NLGN2: variants seen among roughly 807,000 people sequenced by gnomAD.
The protein encoded by NLGN2 is neuroligin 2, also known as neuroligin-2.
In NLGN2, 11 loss-of-function variants were observed where a neutral mutation model predicts 48.6. The ratio of observed to expected loss-of-function variants is 0.23; its 90% CI spans 0.14 to 0.37. The LOEUF is 0.37. Among genes scored for constraint, NLGN2 ranks in the 10% least tolerant of loss-of-function variants. The pLI is 1.00. For missense variants in NLGN2, 801 were observed against 1,225.2 expected (o/e 0.65, Z 5.17); for synonymous variants, 548 against 550.0 (o/e 1.00, Z 0.05).
rs944503009 is a variant in NLGN2 at position 7,411,262 on chromosome 17, A to G, written c.458-895A>G. Among the ~76,000 whole-genome samples, 9 of 152,094 alleles carry G rather than the reference A, an allele frequency of 5.9e-5. No homozygotes were observed. Among genetic ancestry groups the G allele is most frequent in the African/African-American group, 2.2e-4 (9 of 41,404 alleles). ...TGCTTTTTGGCAGTGGAGCAGGGGC[A>G]GGGGAGGCAGCGGCTGGTGGCCCTG... is the stretch of plus-strand genomic sequence containing the variant. On this transcript the variant is annotated intron_variant, in intron 1 of 6. Coordinates refer to ENST00000302926, the MANE Select transcript of NLGN2 (RefSeq NM_020795.4). The surrounding 1 kb of genome is among the most constrained non-coding windows in gnomAD (Gnocchi z 4.5).
intron 1 of NLGN2, 109 bp from the exon 2 acceptor site, chr17:7,412,048 T>G: frequency 2.1e-5 from 3 of 144,664 alleles, no homozygotes; most frequent in Non-Finnish European, 2.8e-5. Context: ...TCCCCCACCC[T>G]CCCCTTTTCT....
chr17:7,404,804 C>G (rs1479149812), upstream of NLGN2: 2 of 118,870 alleles, frequency 1.7e-5, no homozygotes, highest in Admixed American at 8.1e-5. Context: ...CAGGCGGGTG[C>G]GAGCGGGGGG....
In NLGN2 at chr17:7,414,653, C is replaced by T; in HGVS notation, c.659-10C>T. 1 of 1,613,912 alleles carries T rather than the reference C, an allele frequency of 6.2e-7. No homozygotes were observed. Among genetic ancestry groups the T allele is most frequent in the South Asian group, 1.1e-5 (1 of 91,062 alleles). Reference sequence around the variant, plus strand: ...CACCTCCAGGGAGCCCTCTTCTTCTCTACTCCCAGGTTTTCTCAGCACCGG... The same window carrying T: ...CACCTCCAGGGAGCCCTCTTCTTCTTTACTCCCAGGTTTTCTCAGCACCGG... On this transcript the variant is annotated splice_polypyrimidine_tract_variant and intron_variant, in intron 3 of 6. Coordinates refer to ENST00000302926, the MANE Select transcript of NLGN2 (RefSeq NM_020795.4).
chr17:7,405,282 C>G (rs968114045), upstream of NLGN2: 46 of 152,392 alleles, frequency 3.0e-4, no homozygotes, highest in African/African-American at 9.9e-4. This position sits in a 1 kb window ranked among gnomAD's most constrained non-coding sequence, Gnocchi z 6.8. Flanking sequence ...CTTCTGGTCC[C>G]TCGAAGCCGG....
rs1200149934 is a variant in NLGN2, at chr17:7,417,550, C to T, written c.2259C>T (p.Val753=). 17 of 1,456,634 alleles carry T rather than the reference C, an allele frequency of 1.2e-5. No individual in the cohort carries two copies. Among genetic ancestry groups the T allele is most frequent in the South Asian group, 8.6e-5 (6 of 69,718 alleles). 90.2% of individuals were successfully genotyped at this position (1,456,634 alleles called of 1,614,324 possible). The change falls in exon 7 of 7, where the codon GTC becomes GTT. Residue 753 remains valine, a synonymous_variant. Coordinates refer to ENST00000302926, the MANE Select transcript of NLGN2 (RefSeq NM_020795.4). ...TGCAGCTGAAGCGGGGTGGTGGCGT[C>T]GGGGCGGACCCTGCCGAGGCTCTGC... ...VSLQLKRGGG[V]GADPAEALRP...
Position 7,408,121 on chromosome 17 carries a change from CA to C in NLGN2, c.-133del. 1 of 460,832 alleles carries C rather than the reference CA, an allele frequency of 2.2e-6. No individual in the cohort carries two copies. 28.5% of individuals were successfully genotyped at this position (460,832 alleles called of 1,614,324 possible). ...GTCCAGTCTAACCCAGGTCCCTCCC[CA>C]ACCCCCTCCTCCCTCCTTTCCCCCC... On this transcript the variant is annotated 5_prime_UTR_variant, in exon 1 of 7. Transcript: ENST00000302926. The surrounding 1 kb of genome is among the most constrained non-coding windows in gnomAD (Gnocchi z 7.5).
At position 7,413,498 on chromosome 17, in the gene NLGN2, G is replaced by C. The variant is rs1386530210; in HGVS notation, c.509-846G>C. Among the ~76,000 whole-genome samples the C allele has an allele frequency of 6.6e-6, 1 of 152,158 alleles. No individual in the cohort carries two copies. Among genetic ancestry groups the C allele is most frequent in the Non-Finnish European group, 1.5e-5 (1 of 68,014 alleles). On this transcript the variant is annotated intron_variant, in intron 2 of 6. Transcript: ENST00000302926. This position sits in a 1 kb window ranked among gnomAD's most constrained non-coding sequence, Gnocchi z 4.9. ...ATGGGGAGCTGCAGGGGAGGATACT[G>C]TAGCCTCGGGGACCCTGGCAAGCAC...
rs1428439736 is a variant in NLGN2 at position 7,411,660 on chromosome 17, T to C, written c.458-497T>C. 1.3e-5 allele frequency among the ~76,000 whole-genome samples: 2 copies of C among 152,252 alleles called. No homozygotes were observed. Among genetic ancestry groups the C allele is most frequent in the African/African-American group, 2.4e-5 (1 of 41,540 alleles). ...CGGCAGTCTCTCCTCCCTACAGCCT[T>C]GTGGGGGGCGGCAGGCAGGTGCTTC... On this transcript the variant is annotated intron_variant, in intron 1 of 6. Transcript: ENST00000302926. This position sits in a 1 kb window ranked among gnomAD's most constrained non-coding sequence, Gnocchi z 4.5.
At chr17:7,410,597 G>A (rs559403673) in intron 1 of NLGN2, among the ~76,000 whole-genome samples, 37 of 152,114 alleles carry the variant, frequency 2.4e-4, no homozygotes, top group Admixed American at 1.6e-3. Flanking sequence ...GTGCTGTCTC[G>A]TCACCTTCCA....
Position 7,416,126 on chromosome 17 carries a change from G to A in NLGN2, c.1634+19G>A. On this transcript the variant is annotated intron_variant, in intron 6 of 6. Coordinates refer to ENST00000302926, the MANE Select transcript of NLGN2 (RefSeq NM_020795.4). ...AGACTGGGTGAGGGCCAGAGGGGCTGGGCGGGGCTGGGCGGGGCCCTCCCT... is the reference window on the plus strand; with the variant it reads ...AGACTGGGTGAGGGCCAGAGGGGCTAGGCGGGGCTGGGCGGGGCCCTCCCT... The A allele has an allele frequency of 2.7e-6, 4 of 1,476,972 alleles. No individual in the cohort carries two copies. The South Asian group carries it at 3.4e-5, about 13-fold the overall frequency. The allele number at this position is 1,476,972 out of a possible 1,614,324, so 91.5% of individuals were successfully genotyped here.
intron 1 of NLGN2, among the ~76,000 whole-genome samples, chr17:7,409,986 G>A (rs977781781): frequency 5.9e-5 from 9 of 151,950 alleles, no homozygotes; most frequent in African/African-American, 1.5e-4. Context: ...AGTAACCTGC[G>A]CGCCTGGGCC....
intron 1 of NLGN2, among the ~76,000 whole-genome samples, chr17:7,409,175 T>C (rs1410368500): frequency 6.6e-6 from 1 of 151,988 alleles, no homozygotes; most frequent in Non-Finnish European, 1.5e-5. Flanking sequence ...CAACGCAGGC[T>C]CTCCCTCTCC....
At position 7,417,642 on chromosome 17, in the gene NLGN2, C is replaced by T. The variant is rs766984335; in HGVS notation, c.2351C>T (p.Ala784Val). The T allele has an allele frequency of 5.0e-6, 7 of 1,403,930 alleles. No individual in the cohort carries two copies. In the African/African-American group the frequency reaches 7.6e-5, roughly 15 times the overall value. 87.0% of individuals were successfully genotyped at this position (1,403,930 alleles called of 1,614,324 possible). A position where few individuals can be genotyped will look rare whatever the true frequency, so the allele number is the denominator to read the frequency against. Residue 784 changes from alanine to valine, a missense_variant, in exon 7 of 7, where the codon GCC becomes GTC. Physicochemically the swap from Ala to Val is moderately conservative, Grantham distance 64. Transcript: ENST00000302926. Reference protein sequence around the residue: ...RRAPDDVPLLAPGALTLLPSG... With the variant: ...RRAPDDVPLLVPGALTLLPSG... ...GCACCGGACGATGTGCCTCTCTTGG[C>T]CCCCGGGGCCCTGACCCTGCTGCCC...
upstream of NLGN2, chr17:7,405,697 TC>T: frequency 6.5e-6 from 1 of 154,348 alleles, no homozygotes; most frequent in Non-Finnish European, 1.4e-5. The surrounding 1 kb of genome is among the most constrained non-coding windows in gnomAD (Gnocchi z 6.8). Flanking sequence ...GCGCCTGGTT[TC>T]CCCCAGCCTG....
At chr17:7,406,088 G>A (rs566922511), upstream of NLGN2, among the ~76,000 whole-genome samples, 1 of 152,260 alleles carries the variant, frequency 6.6e-6, no homozygotes, top group South Asian at 2.1e-4. Flanking sequence ...AAGGCTTAAG[G>A]GGGAAATTTG....
intron 2 of NLGN2, among the ~76,000 whole-genome samples, chr17:7,412,448 A>G (rs1906937536): frequency 6.6e-6 from 1 of 152,364 alleles, no homozygotes; most frequent in East Asian, 1.9e-4. Context: ...ACATGGTGAA[A>G]ATAAGCTGAA....
rs1250844512 is a variant in NLGN2, at chr17:7,408,174, G to A, written c.-82G>A. The A allele has an allele frequency of 8.3e-6, 6 of 726,150 alleles. No individual in the cohort carries two copies. Among genetic ancestry groups the A allele is most frequent in the Non-Finnish European group, 9.9e-6 (5 of 506,144 alleles). 45.0% of individuals were successfully genotyped at this position (726,150 alleles called of 1,614,324 possible). Reference sequence around the variant, plus strand: ...CCCCTCCTCCCTCCTGGGGCGAGGGGGGCCTCCCTCCCTCTCCCCCCCTTC... The same window carrying A: ...CCCCTCCTCCCTCCTGGGGCGAGGGAGGCCTCCCTCCCTCTCCCCCCCTTC... On this transcript the variant is annotated 5_prime_UTR_variant, in exon 1 of 7. Transcript: ENST00000302926. The surrounding 1 kb of genome is among the most constrained non-coding windows in gnomAD (Gnocchi z 7.5).
Position 7,411,712 on chromosome 17 carries a change from A to G in NLGN2, c.458-445A>G, listed in dbSNP as rs1369415526. Among the ~76,000 whole-genome samples, 1 of 152,074 alleles carries G rather than the reference A, an allele frequency of 6.6e-6. No homozygotes were observed. The highest frequency in any genetic ancestry group is 1.5e-5 in the Non-Finnish European group (1 of 67,994). ...CTGGCCCTGAAGGGGGCCTTCTGAG[A>G]GGTGGCCTGGGTGGCAAGCTGGCCT... On this transcript the variant is annotated intron_variant, in intron 1 of 6. Coordinates refer to ENST00000302926, the MANE Select transcript of NLGN2 (RefSeq NM_020795.4). The surrounding 1 kb of genome is among the most constrained non-coding windows in gnomAD (Gnocchi z 4.5).
rs375604192 is a variant in NLGN2, at chr17:7,414,887, C to A, written c.844+39C>A. On this transcript the variant is annotated intron_variant, in intron 4 of 6. Coordinates refer to ENST00000302926, the MANE Select transcript of NLGN2 (RefSeq NM_020795.4). The stretch of plus-strand genomic sequence containing the variant: ...CCCAGCCTGTTCCACCCTTCCCAAC[C>A]CTGCCAACTCCCCCCTCTCCTTCAG... 3.8e-4 allele frequency: 611 copies of A among 1,613,630 alleles called. 2 individuals are homozygous for A. The Middle Eastern group carries it at 4.6e-3, about 12-fold the overall frequency.
Sources: gnomAD v4.1 joint callset for allele counts (sites outside exome capture counted in the v4.1 genomes callset) on GRCh38, gnomAD v4.1.1 for gene constraint, Gnocchi (gnomAD v3.1) non-coding constraint, MANE v1.5 for transcripts, NCBI Gene and HGNC (gene_info 2026-07-23, HGNC 2026-07-21) for gene names.